ADAP2: variants seen among roughly 807,000 people sequenced by gnomAD.
The protein encoded by ADAP2 is ArfGAP with dual PH domains 2, also known as arf-GAP with dual PH domain-containing protein 2.
Under a neutral mutation model 54.9 loss-of-function variants are expected in ADAP2, and 42 were observed. The ratio of observed to expected loss-of-function variants is 0.77; its 90% CI spans 0.60 to 0.99. ADAP2 has a LOEUF of 0.99. ADAP2 is among the 50% of genes least tolerant of loss of function. The pLI, the probability that ADAP2 is intolerant of heterozygous loss-of-function variation, is 0.00. For synonymous variants in ADAP2, 177 were observed against 180.1 expected (o/e 0.98, Z 0.14); for missense variants, 429 against 480.4 (o/e 0.89, Z 1.00).
At chr17:30,935,061 A>G (rs1911774234) in intron 5 of ADAP2, among the ~76,000 whole-genome samples, 1 of 152,060 alleles carries the variant, frequency 6.6e-6, no homozygotes, top group Non-Finnish European at 1.5e-5. Context: ...TCAAAAAACA[A>G]AACAAAACAA....
intron 3 of ADAP2, 25 bp downstream of exon 3, chr17:30,926,943 T>C: frequency 6.4e-7 from 1 of 1,567,744 alleles, no homozygotes; most frequent in East Asian, 2.2e-5. Flanking sequence ...CCTTAGGGAC[T>C]GGGTGAGGGG....
In ADAP2 at chr17:30,954,507, C is replaced by T. The variant is rs2232279; in HGVS notation, c.834C>T (p.Phe278=). The change falls in exon 9 of 11, where the codon TTC becomes TTT. Residue 278 remains phenylalanine, a synonymous_variant. Transcript: ENST00000330889. Reference sequence around the variant, plus strand: ...AAGAACCTTTCAAGAAAAGGTGGTTCGCCCTGGATTGCCATGAGCGGAGGC... The same window carrying T: ...AAGAACCTTTCAAGAAAAGGTGGTTTGCCCTGGATTGCCATGAGCGGAGGC... The part of the protein sequence containing the change: ...KQKEPFKKRW[F]ALDCHERRLL... 2.1e-4 allele frequency: 338 copies of T among 1,614,118 alleles called. 3 individuals are homozygous for T. In the East Asian group the frequency reaches 3.2e-3, roughly 15 times the overall value.
Position 30,934,259 on chromosome 17 carries a change from G to T in ADAP2, c.472G>T (p.Ala158Ser). Reference protein sequence around the residue: ...QFLRRKFVLLAREGLLKYFTK... With the variant: ...QFLRRKFVLLSREGLLKYFTK... ...TCTGAGAAGGAAGTTTGTACTTCTG[G>T]CAAGAGAAGGCCTCCTGAAGTACTT... Residue 158 changes from alanine to serine, a missense_variant, in exon 5 of 11, where the codon GCA becomes TCA. Coordinates refer to ENST00000330889, the MANE Select transcript of ADAP2 (RefSeq NM_018404.3). The T allele has an allele frequency of 1.2e-6, 2 of 1,614,016 alleles. No individual in the cohort carries two copies. Among genetic ancestry groups the T allele is most frequent in the East Asian group, 2.2e-5 (1 of 44,876 alleles).
intron 3 of ADAP2, among the ~76,000 whole-genome samples, chr17:30,931,685 G>A (rs940203390): frequency 6.6e-6 from 1 of 151,986 alleles, no homozygotes; most frequent in African/African-American, 2.4e-5. Context: ...GCCAGGTGTG[G>A]TGGTGCCTGC....
intron 2 of ADAP2, among the ~76,000 whole-genome samples, chr17:30,924,251 T>C (rs1336943041): frequency 6.6e-6 from 1 of 152,026 alleles, no homozygotes. Flanking sequence ...CATGCGCCTG[T>C]CGTCCCAGAT....
At chr17:30,957,758 T>A in intron 10 of ADAP2, 77 bp from the exon 11 acceptor site, 1 of 1,438,518 alleles carries the variant, frequency 7.0e-7, no homozygotes, top group African/African-American at 1.4e-5. Flanking sequence ...TGTACGCCTG[T>A]CCCTTTGCTG....
chr17:30,940,785 A>C (rs1912218735), intron 5 of ADAP2, among the ~76,000 whole-genome samples: 1 of 152,226 alleles, frequency 6.6e-6, no homozygotes, highest in Non-Finnish European at 1.5e-5. Context: ...AAGTTTTCTC[A>C]GATGTTTTTC....
chr17:30,922,617 C>T (rs1407640370), intron 1 of ADAP2, among the ~76,000 whole-genome samples: 1 of 152,042 alleles, frequency 6.6e-6, no homozygotes, highest in African/African-American at 2.4e-5. Context: ...ACGCCGAGGG[C>T]CCCCTAACTC....
intron 7 of ADAP2, among the ~76,000 whole-genome samples, chr17:30,952,184 G>A (rs1904708250): frequency 6.6e-6 from 1 of 152,160 alleles, no homozygotes; most frequent in African/African-American, 2.4e-5. Context: ...TAGGCTGCCA[G>A]GCTGGAAGGG....
At position 30,931,860 on chromosome 17, in the gene ADAP2, G is replaced by A. The variant is rs747359266; in HGVS notation, c.318-29G>A. ...AAAAAAAAAAGAGAATGCATCAAACGCAGCTGACCTCAGGCTCTCTCTTTT... is the reference window on the plus strand; with the variant it reads ...AAAAAAAAAAGAGAATGCATCAAACACAGCTGACCTCAGGCTCTCTCTTTT... On this transcript the variant is annotated intron_variant, in intron 3 of 10. Coordinates refer to ENST00000330889, the MANE Select transcript of ADAP2 (RefSeq NM_018404.3). 36 of 1,482,132 alleles carry A rather than the reference G, an allele frequency of 2.4e-5. No homozygotes were observed. The Admixed American group carries it at 2.6e-4, about 11-fold the overall frequency. The allele number at this position is 1,482,132 out of a possible 1,614,324, so 91.8% of individuals were successfully genotyped here. A position where few individuals can be genotyped will look rare whatever the true frequency, so the allele number is the denominator to read the frequency against.
chr17:30,942,177 A>G (rs1216544091), intron 5 of ADAP2, among the ~76,000 whole-genome samples: 1 of 152,114 alleles, frequency 6.6e-6, no homozygotes, highest in Non-Finnish European at 1.5e-5. Flanking sequence ...GTGCTGGGAT[A>G]ACAGGTGTGA....
chr17:30,957,857 C>CA lies in ADAP2; in HGVS notation c.1135dup (p.Ser379LysfsTer7), dbSNP rs1567729360. On this transcript the variant is annotated frameshift_variant, in exon 11 of 11. Transcript: ENST00000330889. LOFTEE classifies it high-confidence loss of function. ...CAGCTGCATCAACAGAGAGTGGCCG[C>CA]AGCAGCAGGTGACCCATTAACTGAG... 1.2e-6 allele frequency: 2 copies of CA among 1,613,234 alleles called. No homozygotes were observed. The highest frequency in any genetic ancestry group is 2.2e-5 in the South Asian group (2 of 90,854).
At chr17:30,956,642 A>C in intron 10 of ADAP2, 173 bp downstream of exon 10, 1 of 705,332 alleles carries the variant, frequency 1.4e-6, no homozygotes, top group Non-Finnish European at 2.3e-6. Context: ...TTATTGCCAA[A>C]AGGTCTCCTC....
Position 30,926,909 on chromosome 17 carries a change from A to C in ADAP2, c.308A>C (p.Asn103Thr). The C allele has an allele frequency of 6.2e-7, 1 of 1,613,762 alleles. No homozygotes were observed. The highest frequency in any genetic ancestry group is 2.2e-5 in the East Asian group (1 of 44,876). The change falls in exon 3 of 11, where the codon AAC (asparagine) becomes ACC (threonine). Residue 103 changes from asparagine (N) to threonine (T), a missense_variant. Transcript: ENST00000330889. The part of the protein sequence containing the change: ...VPAFYYIPQA[N>T]DCLVLKEQWI... ...GCTTTCTACTACATCCCCCAGGCCA[A>C]CGACTGCCTGTGAGTGGGTGATTCC...
chr17:30,945,080 G>A lies in ADAP2; in HGVS notation c.657+27G>A, dbSNP rs369475618. 122 of 1,611,264 alleles carry A rather than the reference G, an allele frequency of 7.6e-5. 1 individual carries two copies. The Middle Eastern group carries it at 8.8e-4, about 12-fold the overall frequency. Reference sequence around the variant, plus strand: ...TGAGATGCCTGGAGTTGCCACCTCCGCCTCCAGCTCGCACCCCAGGACTTG... The same window carrying A: ...TGAGATGCCTGGAGTTGCCACCTCCACCTCCAGCTCGCACCCCAGGACTTG... On this transcript the variant is annotated intron_variant, in intron 6 of 10. Transcript: ENST00000330889.
In ADAP2 at chr17:30,926,812, G is replaced by A. The variant is rs367920678; in HGVS notation, c.226-15G>A. 2.2e-5 allele frequency: 35 copies of A among 1,612,270 alleles called. No individual in the cohort carries two copies. Among genetic ancestry groups the A allele is most frequent in the Non-Finnish European group, 3.0e-5 (35 of 1,178,412 alleles). ...TCAAGTTCTAATATTACCTCAGGTTGCTGTTGTCTTGCAGTTTATGATCCA... is the reference window on the plus strand; with the variant it reads ...TCAAGTTCTAATATTACCTCAGGTTACTGTTGTCTTGCAGTTTATGATCCA... On this transcript the variant is annotated splice_polypyrimidine_tract_variant and intron_variant, in intron 2 of 10. Transcript: ENST00000330889.
In ADAP2 at chr17:30,957,852, G is replaced by A; in HGVS notation, c.1129G>A (p.Gly377Ser). 6.2e-7 allele frequency: 1 copy of A among 1,613,328 alleles called. No homozygotes were observed. Among genetic ancestry groups the A allele is most frequent in the Non-Finnish European group, 8.5e-7 (1 of 1,179,706 alleles). ...CCTTGCAGCTGCATCAACAGAGAGTGGCCGCAGCAGCAGGTGACCCATTAA... is the reference window on the plus strand; with the variant it reads ...CCTTGCAGCTGCATCAACAGAGAGTAGCCGCAGCAGCAGGTGACCCATTAA... ...LNRLTASTES[G>S]RSSR The change falls in exon 11 of 11, where the codon GGC (glycine) becomes AGC (serine). Residue 377 changes from glycine (G) to serine (S), a missense_variant. By Grantham distance (56) the Gly-to-Ser change is moderately conservative. Transcript: ENST00000330889.
intron 5 of ADAP2, among the ~76,000 whole-genome samples, chr17:30,935,482 T>C (rs1233238433): frequency 6.6e-6 from 1 of 152,092 alleles, no homozygotes; most frequent in African/African-American, 2.4e-5. Flanking sequence ...TCTGGTGACA[T>C]TTGAGCAGAT....
At chr17:30,927,626 A>T (rs978475732) in intron 3 of ADAP2, among the ~76,000 whole-genome samples, 21 of 151,844 alleles carry the variant, frequency 1.4e-4, no homozygotes, top group East Asian at 5.8e-4. Flanking sequence ...AAAAAAAAAA[A>T]AAATAAAAGA....
Sources: allele counts gnomAD v4.1 joint callset (sites outside exome capture counted in the v4.1 genomes callset), GRCh38; gene constraint gnomAD v4.1.1; transcripts MANE v1.5; gene names NCBI Gene and HGNC (gene_info 2026-07-23, HGNC 2026-07-21).